The following CCDC170 variants were observed in gnomAD, a reference collection of about 807,000 sequenced individuals.
The protein encoded by CCDC170 is coiled-coil domain containing 170.
A neutral mutation model predicts 72.6 loss-of-function variants in CCDC170; 69 were observed. The ratio of observed to expected loss-of-function variants is 0.95; its 90% CI spans 0.78 to 1.16. The LOEUF is 1.16. Ranked by LOEUF, CCDC170 falls within the 50% of genes most tolerant of loss-of-function variation. The probability of loss-of-function intolerance (pLI) is 0.00; values close to 1 mark genes in which losing one functional copy is unlikely to be tolerated. For synonymous variants in CCDC170, 300 were observed against 303.9 expected, an observed-to-expected ratio of 0.99 and a Z score of 0.13; for missense variants, 852 against 832.5, an observed-to-expected ratio of 1.02 and a Z score of -0.29.
At position 151,548,398 on chromosome 6, in the gene CCDC170, G is replaced by T. The variant is rs1393161990; in HGVS notation, c.683G>T (p.Ser228Ile). The change falls in exon 5 of 11, where the codon AGC (serine) becomes ATC (isoleucine). Residue 228 changes from serine to isoleucine, a missense_variant. Ser to Ile is a moderately radical substitution (Grantham distance 142, BLOSUM62 -2). Transcript: ENST00000239374. ...GTCCATGAGATGGAAGCAAAAGCTA[G>T]CAGAGAAACGATCATGAGGCTGGCT... ...INVHEMEAKA[S>I]RETIMRLASE... is the part of the protein sequence containing the mutation. The T allele has an allele frequency of 6.2e-7, 1 of 1,613,048 alleles. No individual in the cohort carries two copies. The highest frequency in any genetic ancestry group is 2.2e-5 in the East Asian group (1 of 44,864).
chr6:151,517,090 C>T (rs1782246496), intron 1 of CCDC170, among the ~76,000 whole-genome samples: 1 of 152,154 alleles, frequency 6.6e-6, no homozygotes, highest in Non-Finnish European at 1.5e-5. Flanking sequence ...AATCCTAGCA[C>T]TTTGGGAGGC....
At chr6:151,589,968 A>G (rs1583040402) in intron 7 of CCDC170, among the ~76,000 whole-genome samples, 1 of 152,032 alleles carries the variant, frequency 6.6e-6, no homozygotes, top group Admixed American at 6.5e-5. Context: ...GCAGATTTGT[A>G]GCAGCACTCG....
chr6:151,617,408 C>CTTTTTTTTTTTTTTTTTTTTTTTTT (rs745655791), intron 10 of CCDC170, among the ~76,000 whole-genome samples: 5 of 91,470 alleles, frequency 5.5e-5, no homozygotes, highest in Non-Finnish European at 1.1e-4. Flanking sequence ...GCTGTTTGTT[C>CTTTTTTTTTTTTTTTTTTTTTTTTT]TTTTTTTTTT....
chr6:151,579,850 A>G (rs543272192), intron 6 of CCDC170, among the ~76,000 whole-genome samples: 2 of 152,206 alleles, frequency 1.3e-5, no homozygotes, highest in Non-Finnish European at 2.9e-5. Flanking sequence ...ATATGGTGTG[A>G]AATACTGTAA....
intron 4 of CCDC170, among the ~76,000 whole-genome samples, chr6:151,546,995 AAG>A (rs1346604939): frequency 2.8e-5 from 2 of 71,804 alleles, no homozygotes; most frequent in Admixed American, 1.5e-4. Context: ...CTGTCTTAAG[AAG>A]AAAAAAAAAA....
intron 8 of CCDC170, among the ~76,000 whole-genome samples, chr6:151,595,312 T>C (rs1485738476): frequency 6.6e-6 from 1 of 152,174 alleles, no homozygotes; most frequent in Non-Finnish European, 1.5e-5. Context: ...AATATCACTC[T>C]AATTTCCTTT....
chr6:151,556,264 T>C (rs1782972163), intron 5 of CCDC170, among the ~76,000 whole-genome samples: 1 of 152,194 alleles, frequency 6.6e-6, no homozygotes, highest in African/African-American at 2.4e-5. Flanking sequence ...AAGACCAGCC[T>C]GGTCAACATG....
rs1562275289 is a variant in CCDC170, at chr6:151,538,068, G to T, written c.210G>T (p.Met70Ile). The change falls in exon 3 of 11, where the codon ATG becomes ATT. Residue 70 changes from methionine to isoleucine, a missense_variant. Physicochemically the swap from Met to Ile is conservative, Grantham distance 10. Coordinates refer to ENST00000239374, the MANE Select transcript of CCDC170 (RefSeq NM_025059.4). ...AGCTTCAAGACCTCCGATCCAAGAT[G>T]CTTTCTAAAGAAGTCTCCTGTCAAG... ...QSELQDLRSK[M>I]LSKEVSCQEL... 2 of 1,610,812 alleles carry T rather than the reference G, an allele frequency of 1.2e-6. No individual in the cohort carries two copies. The highest frequency in any genetic ancestry group is 4.5e-5 in the East Asian group (2 of 44,728).
chr6:151,532,386 C>T (rs535726598), intron 1 of CCDC170, among the ~76,000 whole-genome samples: 1 of 152,156 alleles, frequency 6.6e-6, no homozygotes, highest in Non-Finnish European at 1.5e-5. Flanking sequence ...GTGGGTTGAT[C>T]ACTTGAGGTC....
At chr6:151,528,908 A>G (rs924592804) in intron 1 of CCDC170, among the ~76,000 whole-genome samples, 1 of 152,026 alleles carries the variant, frequency 6.6e-6, no homozygotes, top group African/African-American at 2.4e-5. Flanking sequence ...CCAAAAGATA[A>G]CCATAGTTAA....
At chr6:151,561,141 T>A (rs1335180344) in intron 5 of CCDC170, among the ~76,000 whole-genome samples, 3 of 152,146 alleles carry the variant, frequency 2.0e-5, no homozygotes, top group African/African-American at 4.8e-5. Flanking sequence ...GATACAGCCA[T>A]GCAATGTGTA....
At chr6:151,549,039 A>G (rs1260466275) in intron 5 of CCDC170, among the ~76,000 whole-genome samples, 1 of 152,084 alleles carries the variant, frequency 6.6e-6, no homozygotes, top group Non-Finnish European at 1.5e-5. Flanking sequence ...AGCTGGGACT[A>G]CAGGGGCCCA....
intron 6 of CCDC170, 42 bp from the exon 7 acceptor site, chr6:151,585,847 T>A: frequency 1.3e-6 from 2 of 1,590,472 alleles, no homozygotes; most frequent in South Asian, 2.2e-5. Context: ...CTTCCTTGCA[T>A]CTGAAACAAG....
chr6:151,567,827 G>A (rs1202978714), intron 5 of CCDC170, among the ~76,000 whole-genome samples: 1 of 152,014 alleles, frequency 6.6e-6, no homozygotes, highest in East Asian at 1.9e-4. Flanking sequence ...ATGGAGTATA[G>A]GCTGGGCGCG....
At position 151,619,562 on chromosome 6, in the gene CCDC170, A is replaced by T. The variant is rs965329026; in HGVS notation, c.*1415A>T. ...AAAGAAATAGATCTGGTGCACCCGA[A>T]CATTAGGAGAAAATGAAAAATATAC... On this transcript the variant is annotated 3_prime_UTR_variant, in exon 11 of 11. Coordinates refer to ENST00000239374, the MANE Select transcript of CCDC170 (RefSeq NM_025059.4). 12 of 152,202 alleles carry T rather than the reference A, an allele frequency of 7.9e-5. No individual in the cohort carries two copies. Among genetic ancestry groups the T allele is most frequent in the Admixed American group, 5.2e-4 (8 of 15,276 alleles). 9.4% of individuals were successfully genotyped at this position (152,202 alleles called of 1,614,324 possible).
chr6:151,500,352 C>A (rs1299686168), intron 1 of CCDC170, among the ~76,000 whole-genome samples: 1 of 150,648 alleles, frequency 6.6e-6, no homozygotes, highest in African/African-American at 2.4e-5. Flanking sequence ...CACCCCACCA[C>A]CCCCAAAAAG....
intron 6 of CCDC170, among the ~76,000 whole-genome samples, chr6:151,584,964 C>T (rs1776431902): frequency 6.6e-6 from 1 of 152,002 alleles, no homozygotes; most frequent in South Asian, 2.1e-4. Context: ...CTATGTTTTC[C>T]CTCTTCTCTT....
chr6:151,617,405 GTTCTTTTTTTTTTTTTTTTTTTTTT>G, intron 10 of CCDC170, among the ~76,000 whole-genome samples: 2 of 63,012 alleles, frequency 3.2e-5, no homozygotes, highest in Non-Finnish European at 3.2e-5. Context: ...CTTGCTGTTT[GTTCTTTTTTTTTTTTTTTTTTTTTT>G]TTTTTTTTTT....
chr6:151,528,110 A>G (rs1484831701), intron 1 of CCDC170, among the ~76,000 whole-genome samples: 1 of 152,208 alleles, frequency 6.6e-6, no homozygotes, highest in East Asian at 1.9e-4. Flanking sequence ...TCATAATAAT[A>G]TCAGTAGCAG....
Sources: gnomAD v4.1 joint callset for allele counts (sites outside exome capture counted in the v4.1 genomes callset) on GRCh38, gnomAD v4.1.1 for gene constraint, MANE v1.5 for transcripts, NCBI Gene and HGNC (gene_info 2026-07-23, HGNC 2026-07-21) for gene names.